MYO9A: variants seen among roughly 807,000 people sequenced by gnomAD.
The protein encoded by MYO9A is unconventional myosin-IXa.
In MYO9A, 103 loss-of-function variants were observed where a neutral mutation model predicts 293.3. The observed-to-expected ratio is 0.35, with a 90% CI of 0.30 to 0.41. MYO9A has a LOEUF of 0.41. MYO9A is among the 10% of genes least tolerant of loss of function. The probability of loss-of-function intolerance (pLI) is 1.00; values close to 1 mark genes in which losing one functional copy is unlikely to be tolerated. For missense variants in MYO9A, 2,685 were observed against 3,033.0 expected (o/e 0.89, Z 2.69); for synonymous variants, 1,001 against 1,035.7 (o/e 0.97, Z 0.64).
At chr15:72,006,232 C>A (rs1430355184) in intron 8 of MYO9A, among the ~76,000 whole-genome samples, 1 of 151,898 alleles carries the variant, frequency 6.6e-6, no homozygotes, top group African/African-American at 2.4e-5. Context: ...CGTCACCACG[C>A]CCAGCTAATT....
chr15:72,083,110 T>C (rs1295956994), intron 1 of MYO9A, among the ~76,000 whole-genome samples: 1 of 152,114 alleles, frequency 6.6e-6, no homozygotes, highest in East Asian at 1.9e-4. Flanking sequence ...AGCTCTTCTT[T>C]GTATATCTGG....
intron 15 of MYO9A, among the ~76,000 whole-genome samples, chr15:71,940,182 G>A (rs1023348988): frequency 6.6e-6 from 1 of 152,110 alleles, no homozygotes; most frequent in African/African-American, 2.4e-5. Flanking sequence ...ACCCACAGAA[G>A]ACTCTTTGTG....
intron 18 of MYO9A, among the ~76,000 whole-genome samples, chr15:71,923,867 CTCT>C (rs200757343): frequency 9.2e-5 from 14 of 152,030 alleles, no homozygotes; most frequent in African/African-American, 2.9e-4. Context: ...TTTATCATTT[CTCT>C]TCTTCTATTA....
intron 1 of MYO9A, among the ~76,000 whole-genome samples, chr15:72,049,566 G>C (rs1447033381): frequency 6.6e-6 from 1 of 152,198 alleles, no homozygotes; most frequent in African/African-American, 2.4e-5. Context: ...TGGCCTGTCA[G>C]AAACTGGGCC....
At chr15:71,913,857 A>C (rs2057931271) in intron 19 of MYO9A, among the ~76,000 whole-genome samples, 1 of 137,872 alleles carries the variant, frequency 7.3e-6, no homozygotes, top group African/African-American at 2.6e-5. Context: ...TGTCTTTCTG[A>C]GGATTCTACC....
At chr15:71,976,859 C>A (rs1490994257) in intron 12 of MYO9A, among the ~76,000 whole-genome samples, 1 of 152,204 alleles carries the variant, frequency 6.6e-6, no homozygotes, top group Non-Finnish European at 1.5e-5. Context: ...TTTTATTCTA[C>A]CACCTTACAC....
At chr15:71,988,814 C>G (rs2076467914) in intron 11 of MYO9A, among the ~76,000 whole-genome samples, 1 of 152,192 alleles carries the variant, frequency 6.6e-6, no homozygotes. Flanking sequence ...AAACCTATTA[C>G]TGATTTCAAC....
chr15:71,910,863 C>T (rs1319710568), intron 19 of MYO9A, among the ~76,000 whole-genome samples: 3 of 152,164 alleles, frequency 2.0e-5, no homozygotes, highest in Non-Finnish European at 4.4e-5. Context: ...TATACAAGTC[C>T]TTTTTTAGTC....
intron 37 of MYO9A, among the ~76,000 whole-genome samples, chr15:71,850,765 C>CCA (rs2055603993): frequency 6.8e-5 from 3 of 44,142 alleles, no homozygotes; most frequent in Non-Finnish European, 8.1e-5. Context: ...AACTGTGTCT[C>CCA]AAAAAAAAAA....
chr15:71,849,074 T>A, intron 38 of MYO9A, 106 bp from the exon 39 acceptor site: 1 of 1,059,792 alleles, frequency 9.4e-7, no homozygotes, highest in Non-Finnish European at 1.3e-6. Context: ...AAGGAAAAAA[T>A]TAACATCCCT....
intron 14 of MYO9A, among the ~76,000 whole-genome samples, chr15:71,955,107 CTG>C (rs2059147703): frequency 1.3e-5 from 2 of 151,600 alleles, no homozygotes; most frequent in Non-Finnish European, 2.9e-5. Flanking sequence ...TAATCAAGTT[CTG>C]ATTTGTCACA....
chr15:71,896,032 C>G (rs768666143), intron 25 of MYO9A, among the ~76,000 whole-genome samples: 3 of 152,154 alleles, frequency 2.0e-5, no homozygotes, highest in Non-Finnish European at 4.4e-5. Context: ...TTTTAACACT[C>G]TCTTATGGAT....
At chr15:71,852,365 T>TC (rs2055687952) in intron 35 of MYO9A, 105 bp from the exon 36 acceptor site, 2 of 844,794 alleles carry the variant, frequency 2.4e-6, no homozygotes, top group Non-Finnish European at 3.1e-6. Flanking sequence ...CATGTTTCTT[T>TC]TTTTTTTTTT....
At chr15:72,069,664 C>G (rs1383080548) in intron 1 of MYO9A, among the ~76,000 whole-genome samples, 3 of 152,140 alleles carry the variant, frequency 2.0e-5, no homozygotes, top group Non-Finnish European at 4.4e-5. Flanking sequence ...ACATGTATTA[C>G]TTAAACCCAA....
chr15:71,936,637 A>T (rs1360101530), intron 16 of MYO9A, among the ~76,000 whole-genome samples: 1 of 152,162 alleles, frequency 6.6e-6, no homozygotes, highest in African/African-American at 2.4e-5. Flanking sequence ...AAAATTTTTT[A>T]AAAGAAGTAT....
intron 27 of MYO9A, among the ~76,000 whole-genome samples, chr15:71,884,146 G>T (rs1357879565): frequency 6.6e-6 from 1 of 151,924 alleles, no homozygotes; most frequent in Non-Finnish European, 1.5e-5. Context: ...TAACAACAAA[G>T]AAAATACTTT....
intron 39 of MYO9A, among the ~76,000 whole-genome samples, chr15:71,846,057 T>C (rs1377035387): frequency 6.6e-6 from 1 of 152,182 alleles, no homozygotes; most frequent in African/African-American, 2.4e-5. Context: ...TTTGGAAAAC[T>C]TGTATCTGCC....
chr15:72,113,478 A>C (rs1331422405), intron 1 of MYO9A, among the ~76,000 whole-genome samples: 1 of 152,228 alleles, frequency 6.6e-6, no homozygotes, highest in African/African-American at 2.4e-5. Context: ...AGTGAAGAAA[A>C]GCTAGAGAAT....
chr15:71,860,386 T>A (rs1214825393), intron 33 of MYO9A, among the ~76,000 whole-genome samples: 1 of 152,128 alleles, frequency 6.6e-6, no homozygotes, highest in Non-Finnish European at 1.5e-5. Context: ...AAAGAAAATG[T>A]TCAGAGCTAA....
Sources: gnomAD v4.1 joint callset for allele counts (sites outside exome capture counted in the v4.1 genomes callset) on GRCh38, gnomAD v4.1.1 for gene constraint, MANE v1.5 for transcripts, NCBI Gene and HGNC (gene_info 2026-07-23, HGNC 2026-07-21) for gene names.